The following ADAMTSL1 variants were observed in gnomAD, a reference collection of about 807,000 sequenced individuals.
ADAMTSL1 encodes ADAMTS like 1, also known as ADAMTS-like protein 1.
In ADAMTSL1, 126 loss-of-function variants were observed where a neutral mutation model predicts 201.8. That is an observed-to-expected ratio of 0.62 (90% CI 0.54 to 0.72). The LOEUF (loss-of-function observed/expected upper bound fraction) is 0.72. Among genes scored for constraint, ADAMTSL1 ranks in the 30% least tolerant of loss-of-function variants. ADAMTSL1 has a pLI of 0.00. For missense variants in ADAMTSL1, 2,679 were observed against 2,277.8 expected, an observed-to-expected ratio of 1.18 and a Z score of -3.59; for synonymous variants, 1,121 against 903.4, an observed-to-expected ratio of 1.24 and a Z score of -4.32.
At chr9:18,657,442 T>G (rs533253636) in intron 7 of ADAMTSL1, among the ~76,000 whole-genome samples, 197 bp from the exon 8 acceptor site, 1 of 152,336 alleles carries the variant, frequency 6.6e-6, no homozygotes, top group African/African-American at 2.4e-5. Flanking sequence ...AAGATAATGA[T>G]AGTGAAAGCT....
chr9:18,485,676 A>G (rs1315628140), intron 1 of ADAMTSL1, among the ~76,000 whole-genome samples: 1 of 152,196 alleles, frequency 6.6e-6, no homozygotes, highest in Admixed American at 6.5e-5. Flanking sequence ...CAGCAGAGGG[A>G]CTTGCACGGC....
At chr9:18,412,231 G>C (rs1046417763) in intron 2 of ADAMTSL1, among the ~76,000 whole-genome samples, 9 of 152,154 alleles carry the variant, frequency 5.9e-5, no homozygotes, top group African/African-American at 1.7e-4. Flanking sequence ...TTCATAAGTG[G>C]AACTGTGCTT....
chr9:18,560,743 T>C (rs1821431700), intron 3 of ADAMTSL1, among the ~76,000 whole-genome samples: 1 of 152,076 alleles, frequency 6.6e-6, no homozygotes, highest in African/African-American at 2.4e-5. Flanking sequence ...TGGGAGGGTG[T>C]ATGCCCAGAA....
chr9:18,399,709 A>C (rs1342194930), intron 2 of ADAMTSL1, among the ~76,000 whole-genome samples: 1 of 152,176 alleles, frequency 6.6e-6, no homozygotes, highest in Non-Finnish European at 1.5e-5. Context: ...GCTTTCAAAA[A>C]TAATGCATTT....
At chr9:18,226,790 G>T (rs2132387050) in intron 2 of ADAMTSL1, among the ~76,000 whole-genome samples, 1 of 152,172 alleles carries the variant, frequency 6.6e-6, no homozygotes, top group South Asian at 2.1e-4. Context: ...GGGGTTCATT[G>T]AAATGTTTTA....
At position 18,032,938 on chromosome 9, in the gene ADAMTSL1, C is replaced by T. The variant is rs150881083; in HGVS notation, c.87+126016C>T. Among the ~76,000 whole-genome samples, 86 of 152,242 alleles carry T rather than the reference C, an allele frequency of 5.6e-4. No individual in the cohort carries two copies. The East Asian group carries it at 0.014, about 24-fold the overall frequency. ...TCTTCAGCTTCAGTGTCTGCATCAC[C>T]TCTCTATTGACTTTAGCTGTTTTCT... On this transcript the variant is annotated intron_variant, in intron 1 of 29. Transcript: ENST00000680146.
chr9:17,962,343 T>A (rs1040130667), intron 1 of ADAMTSL1, among the ~76,000 whole-genome samples: 5 of 152,178 alleles, frequency 3.3e-5, no homozygotes, highest in African/African-American at 9.7e-5. Flanking sequence ...TTGAACACTT[T>A]CCTGTCAGTT....
At chr9:18,812,151 T>A (rs4567124) in intron 20 of ADAMTSL1, among the ~76,000 whole-genome samples, 62,242 of 151,834 alleles carry the variant, frequency 0.41, 13,052 homozygotes, top group East Asian at 0.66. Context: ...GAGGCAGGAG[T>A]AATCAGCCAA....
chr9:17,974,491 C>G lies in ADAMTSL1; in HGVS notation c.87+67569C>G, dbSNP rs143271784. 4.6e-3 allele frequency among the ~76,000 whole-genome samples: 694 copies of G among 152,064 alleles called. 5 individuals are homozygous for G. Among genetic ancestry groups the G allele is most frequent in the African/African-American group, 0.016 (670 of 41,508 alleles). On this transcript the variant is annotated intron_variant, in intron 1 of 29. Coordinates refer to the ADAMTSL1 transcript ENST00000680146. ...ACTTATTCATCCTACGTAACTGAAA[C>G]TTTGTACCTTTTGACCAACATCTCC... is the stretch of plus-strand genomic sequence containing the variant.
At chr9:17,948,325 A>G (rs1032768021) in intron 1 of ADAMTSL1, among the ~76,000 whole-genome samples, 1 of 152,198 alleles carries the variant, frequency 6.6e-6, no homozygotes, top group Non-Finnish European at 1.5e-5. Flanking sequence ...TTTTACAAAT[A>G]CCAAATGTGT....
chr9:18,180,524 C>A (rs1258428215), intron 2 of ADAMTSL1, among the ~76,000 whole-genome samples: 1 of 115,646 alleles, frequency 8.6e-6, no homozygotes, highest in Non-Finnish European at 1.8e-5. Flanking sequence ...CAGAGCGAGA[C>A]TCCGTGTCAA....
intron 9 of ADAMTSL1, among the ~76,000 whole-genome samples, chr9:18,675,456 A>T (rs1400856199): frequency 6.6e-6 from 1 of 152,188 alleles, no homozygotes; most frequent in Non-Finnish European, 1.5e-5. Flanking sequence ...TGAGACAGTT[A>T]CTGTAATTGC....
At chr9:18,356,500 T>C (rs1456826936) in intron 2 of ADAMTSL1, among the ~76,000 whole-genome samples, 1 of 142,570 alleles carries the variant, frequency 7.0e-6, no homozygotes, top group Non-Finnish European at 1.5e-5. Context: ...TGTATCCAGC[T>C]TGGGGGACAC....
chr9:18,085,123 G>A (rs1028619769), intron 1 of ADAMTSL1, among the ~76,000 whole-genome samples: 4 of 152,104 alleles, frequency 2.6e-5, no homozygotes, highest in Admixed American at 6.6e-5. Flanking sequence ...GGAGTGGACT[G>A]AACATGGAAA....
In ADAMTSL1 at chr9:18,313,628, T is replaced by C. The variant is rs371015714; in HGVS notation, c.207+149647T>C. Among the ~76,000 whole-genome samples the C allele has an allele frequency of 6.6e-5, 10 of 152,254 alleles. No individual in the cohort carries two copies. The East Asian group carries it at 1.7e-3, about 26-fold the overall frequency. The stretch of plus-strand genomic sequence containing the variant: ...GATATCTACATGCAAAAGAATAAAA[T>C]TGGGCTCTCATACAGAATTTAACTT... On this transcript the variant is annotated intron_variant, in intron 2 of 29. Coordinates refer to the ADAMTSL1 transcript ENST00000680146.
chr9:18,820,783 C>T (rs896863780), intron 21 of ADAMTSL1, among the ~76,000 whole-genome samples: 1 of 152,160 alleles, frequency 6.6e-6, no homozygotes, highest in Non-Finnish European at 1.5e-5. Context: ...GAAAAGTGAC[C>T]TAATCCACTG....
At chr9:17,957,083 G>A (rs772066621) in intron 1 of ADAMTSL1, among the ~76,000 whole-genome samples, 1 of 152,152 alleles carries the variant, frequency 6.6e-6, no homozygotes, top group South Asian at 2.1e-4. Flanking sequence ...AATTAGAAAC[G>A]CTCCGGTATT....
At chr9:18,716,857 G>A (rs1476500725) in intron 14 of ADAMTSL1, among the ~76,000 whole-genome samples, 1 of 136,482 alleles carries the variant, frequency 7.3e-6, no homozygotes, top group Non-Finnish European at 1.6e-5. Context: ...AACAATGATA[G>A]ACTGGATTAA....
At position 18,222,517 on chromosome 9, in the gene ADAMTSL1, CT is replaced by C. The variant is rs1398084009; in HGVS notation, c.207+58540del. Among the ~76,000 whole-genome samples, 6 of 151,862 alleles carry C rather than the reference CT, an allele frequency of 4.0e-5. No homozygotes were observed. In the South Asian group the frequency reaches 6.2e-4, roughly 16 times the overall value. ...TTTGAAATGCTTTCACTTCAATCATCTTTTCCCAGTTTGCTTACTGTTTTTG... is the reference window on the plus strand; with the variant it reads ...TTTGAAATGCTTTCACTTCAATCATCTTTCCCAGTTTGCTTACTGTTTTTG... On this transcript the variant is annotated intron_variant, in intron 2 of 29. Coordinates refer to the ADAMTSL1 transcript ENST00000680146.
Sources: gnomAD v4.1 joint callset for allele counts (sites outside exome capture counted in the v4.1 genomes callset) on GRCh38, gnomAD v4.1.1 for gene constraint, MANE v1.5 for transcripts, NCBI Gene and HGNC (gene_info 2026-07-23, HGNC 2026-07-21) for gene names.